Variants in TBKBP1 observed in about 807,000 individuals in gnomAD.
TBKBP1 encodes TBK1 binding protein 1.
In TBKBP1, 47 loss-of-function variants were observed where a neutral mutation model predicts 69.9. That is an observed-to-expected ratio of 0.67 (90% CI 0.53 to 0.86). The LOEUF (loss-of-function observed/expected upper bound fraction) is 0.86. TBKBP1 is among the 40% of genes least tolerant of loss of function. The pLI, the probability that TBKBP1 is intolerant of heterozygous loss-of-function variation, is 0.00. For missense variants in TBKBP1, 831 were observed against 858.6 expected (o/e 0.97, Z 0.40); for synonymous variants, 418 against 390.3 (o/e 1.07, Z -0.84).
Position 47,708,827 on chromosome 17 carries a change from C to G in TBKBP1, c.1094C>G (p.Ser365Cys). ...RAAPPCPPCQ[S>C]PVPQRRSPVP... ...GCTCCCCCGTGCCCCCCGTGCCAGT[C>G]CCCCGTCCCCCAGCGCCGCTCTCCC... Residue 365 changes from serine to cysteine, a missense_variant, in exon 9 of 10, where the codon TCC (serine) becomes TGC (cysteine). Coordinates refer to ENST00000578982, the MANE Select transcript of TBKBP1 (RefSeq NM_001394755.1). This position sits in a 1 kb window ranked among gnomAD's most constrained non-coding sequence, Gnocchi z 4.4. 1 of 1,253,128 alleles carries G rather than the reference C, an allele frequency of 8.0e-7. No individual in the cohort carries two copies. The highest frequency in any genetic ancestry group is 2.8e-5 in the East Asian group (1 of 35,882). 77.6% of individuals were successfully genotyped at this position (1,253,128 alleles called of 1,614,324 possible).
chr17:47,702,794 G>A (rs776700562), intron 7 of TBKBP1, among the ~76,000 whole-genome samples: 1 of 152,082 alleles, frequency 6.6e-6, no homozygotes, highest in African/African-American at 2.4e-5. Flanking sequence ...TGAGGGAGGC[G>A]GTGGGAGCAG....
Position 47,709,215 on chromosome 17 carries a change from C to A in TBKBP1, c.1482C>A (p.Ser494Arg). The part of the protein sequence containing the change: ...ATLPKPRAYG[S>R]ELYGPGRPLS... ...TCCCCAAGCCCCGGGCCTACGGCAG[C>A]GAGCTCTACGGCCCTGGCAGGCCCC... is the stretch of plus-strand genomic sequence containing the variant. The change falls in exon 9 of 10, where the codon AGC (serine) becomes AGA (arginine). Residue 494 changes from serine to arginine, a missense_variant. Ser to Arg is a moderately radical substitution (Grantham distance 110, BLOSUM62 -1). Coordinates refer to ENST00000578982, the MANE Select transcript of TBKBP1 (RefSeq NM_001394755.1). The A allele has an allele frequency of 6.6e-7, 1 of 1,519,698 alleles. No homozygotes were observed. Among genetic ancestry groups the A allele is most frequent in the Non-Finnish European group, 8.7e-7 (1 of 1,143,066 alleles). The allele number at this position is 1,519,698 out of a possible 1,614,324, so 94.1% of individuals were successfully genotyped here. A position where few individuals can be genotyped will look rare whatever the true frequency, so the allele number is the denominator to read the frequency against.
At position 47,711,762 on chromosome 17, in the gene TBKBP1, C is replaced by T. The variant is rs2031931676; in HGVS notation, c.*1136C>T. The T allele has an allele frequency of 6.6e-6, 1 of 152,506 alleles. No individual in the cohort carries two copies. The highest frequency in any genetic ancestry group is 2.1e-4 in the South Asian group (1 of 4,824). 9.4% of individuals were successfully genotyped at this position (152,506 alleles called of 1,614,324 possible). ...CACCCCACAATGAATCCACCCTGCT[C>T]CACTGCGCGCCTCTCCCAGGTCTCA... On this transcript the variant is annotated 3_prime_UTR_variant, in exon 10 of 10. Coordinates refer to ENST00000578982, the MANE Select transcript of TBKBP1 (RefSeq NM_001394755.1).
At chr17:47,703,204 T>TC (rs200954949) in intron 7 of TBKBP1, among the ~76,000 whole-genome samples, 67 of 149,828 alleles carry the variant, frequency 4.5e-4, no homozygotes, top group African/African-American at 1.3e-3. Context: ...CCGCACCACC[T>TC]CCCCCCCCAC....
chr17:47,708,845 G>T lies in TBKBP1; in HGVS notation c.1112G>T (p.Arg371Leu), dbSNP rs758558987. ...PPCQSPVPQR[R>L]SPVPPCPSPQ... Reference sequence around the variant, plus strand: ...TGCCAGTCCCCCGTCCCCCAGCGCCGCTCTCCCGTGCCCCCGTGCCCCTCG... The same window carrying T: ...TGCCAGTCCCCCGTCCCCCAGCGCCTCTCTCCCGTGCCCCCGTGCCCCTCG... Residue 371 changes from arginine (R) to leucine (L), a missense_variant, in exon 9 of 10, where the codon CGC becomes CTC. Arg to Leu is a moderately radical substitution (Grantham distance 102, BLOSUM62 -2). Coordinates refer to ENST00000578982, the MANE Select transcript of TBKBP1 (RefSeq NM_001394755.1). The surrounding 1 kb of genome is among the most constrained non-coding windows in gnomAD (Gnocchi z 4.4). 3 of 1,095,980 alleles carry T rather than the reference G, an allele frequency of 2.7e-6. No individual in the cohort carries two copies. The highest frequency in any genetic ancestry group is 3.7e-6 in the Non-Finnish European group (3 of 814,544). The allele number at this position is 1,095,980 out of a possible 1,614,324, so 67.9% of individuals were successfully genotyped here. A position where few individuals can be genotyped will look rare whatever the true frequency, so the allele number is the denominator to read the frequency against.
intron 9 of TBKBP1, 28 bp downstream of exon 9, chr17:47,709,480 C>A (rs1322372655): frequency 2.0e-6 from 3 of 1,479,524 alleles, no homozygotes; most frequent in Admixed American, 2.4e-5. Context: ...GTTCCGCCCA[C>A]CCCGGACCGG....
chr17:47,695,591 C>G (rs1435149922), intron 1 of TBKBP1: 1 of 152,972 alleles, frequency 6.5e-6, no homozygotes, highest in Non-Finnish European at 1.5e-5. Context: ...GGGGTGCAGC[C>G]GAGGGCGTGC....
At chr17:47,699,273 T>C (rs774511286) in intron 5 of TBKBP1, 47 bp from the exon 6 acceptor site, 13 of 1,461,496 alleles carry the variant, frequency 8.9e-6, no homozygotes, top group Non-Finnish European at 1.1e-5. Flanking sequence ...CTCTGGGAGC[T>C]GGAGGAGGCA....
chr17:47,708,355 A>C lies in TBKBP1; in HGVS notation c.873-39A>C, dbSNP rs575480057. 4.4e-6 allele frequency: 7 copies of C among 1,607,030 alleles called. No homozygotes were observed. The African/African-American group carries it at 9.3e-5, about 21-fold the overall frequency. On this transcript the variant is annotated intron_variant, in intron 7 of 9. Transcript: ENST00000578982. The surrounding 1 kb of genome is among the most constrained non-coding windows in gnomAD (Gnocchi z 4.4). ...CCTCCACAGCTGGGACGGTAGACCC[A>C]CTGCCCTTCTCGTCTTTCCCACTGC...
In TBKBP1 at chr17:47,709,137, C is replaced by T. The variant is rs762463634; in HGVS notation, c.1404C>T (p.Gly468=). 2 of 1,388,402 alleles carry T rather than the reference C, an allele frequency of 1.4e-6. No individual in the cohort carries two copies. Among genetic ancestry groups the T allele is most frequent in the African/African-American group, 1.5e-5 (1 of 65,200 alleles). 86.0% of individuals were successfully genotyped at this position (1,388,402 alleles called of 1,614,324 possible). ...GRRSYSELAE[G]AAYAGASPPW... is the part of the protein sequence containing the mutation. ...GCAGCTACTCTGAGCTGGCGGAGGG[C>T]GCGGCCTACGCGGGCGCCTCCCCGC... Residue 468 remains glycine (G), a synonymous_variant, in exon 9 of 10, where the codon GGC becomes GGT. Coordinates refer to ENST00000578982, the MANE Select transcript of TBKBP1 (RefSeq NM_001394755.1).
In TBKBP1 at chr17:47,708,609, C is replaced by T; in HGVS notation, c.991+97C>T. The T allele has an allele frequency of 1.4e-6, 2 of 1,473,114 alleles. No individual in the cohort carries two copies. The highest frequency in any genetic ancestry group is 1.2e-5 in the South Asian group (1 of 80,410). 91.3% of individuals were successfully genotyped at this position (1,473,114 alleles called of 1,614,324 possible). On this transcript the variant is annotated intron_variant, in intron 8 of 9. Transcript: ENST00000578982. This position sits in a 1 kb window ranked among gnomAD's most constrained non-coding sequence, Gnocchi z 4.4. ...TGGTCATGGGGACCACCCTTTATTT[C>T]CTTTCCTGTGGCCTGGAGTTGGTGG...
chr17:47,710,274 C>G (rs1410274857), intron 9 of TBKBP1, among the ~76,000 whole-genome samples: 2 of 152,200 alleles, frequency 1.3e-5, no homozygotes, highest in Admixed American at 6.5e-5. Flanking sequence ...CCCTGGCAAG[C>G]TTAGCAGTGA....
intron 7 of TBKBP1, among the ~76,000 whole-genome samples, chr17:47,700,982 G>A (rs890711674): frequency 2.0e-5 from 3 of 152,168 alleles, no homozygotes; most frequent in African/African-American, 7.2e-5. Flanking sequence ...CCTAAGATGA[G>A]CTGTGTGGCA....
At chr17:47,698,809 TCCC>T in intron 5 of TBKBP1, 34 bp downstream of exon 5, 1 of 1,498,778 alleles carries the variant, frequency 6.7e-7, no homozygotes, top group Non-Finnish European at 8.9e-7. Flanking sequence ...TACCTCCTAG[TCCC>T]CAACCCCCAT....
intron 7 of TBKBP1, among the ~76,000 whole-genome samples, chr17:47,706,041 C>G (rs1383134502): frequency 6.6e-6 from 1 of 152,024 alleles, no homozygotes; most frequent in Non-Finnish European, 1.5e-5. Context: ...TAGCTCCTGA[C>G]AAGGGGAGGG....
chr17:47,695,966 A>T, intron 1 of TBKBP1, 113 bp from the exon 2 acceptor site: 1 of 624,506 alleles, frequency 1.6e-6, no homozygotes, highest in African/African-American at 1.8e-5. Context: ...TCGGGGCAGG[A>T]AGTTTCTGGG....
At position 47,703,212 on chromosome 17, in the gene TBKBP1, C is replaced by A. The variant is rs368004856; in HGVS notation, c.872+3515C>A. On this transcript the variant is annotated intron_variant, in intron 7 of 9. Transcript: ENST00000578982. ...CCCTTTTCCGCACCACCTCCCCCCC[C>A]ACCCCTCTCTCCACCCACAAGCCTC... 6.6e-4 allele frequency among the ~76,000 whole-genome samples: 100 copies of A among 152,250 alleles called. 2 individuals carry two copies. In the Middle Eastern group the frequency reaches 0.014, roughly 21 times the overall value.
chr17:47,710,424 G>A (rs1407518224), intron 9 of TBKBP1, 74 bp from the exon 10 acceptor site: 2 of 1,556,286 alleles, frequency 1.3e-6, no homozygotes, highest in African/African-American at 1.4e-5. Context: ...TGGGTCCTGG[G>A]ACAGGGCAGG....
At chr17:47,695,002 T>TCTCCGGGGTGCACATAACG (rs1216622456) in intron 1 of TBKBP1, among the ~76,000 whole-genome samples, 14 of 150,958 alleles carry the variant, frequency 9.3e-5, no homozygotes, top group African/African-American at 2.4e-4. Context: ...CCGAGCCCCC[T>TCTCCGGGGTGCACATAACG]CTCCGGGGTG....
Sources: allele counts gnomAD v4.1 joint callset (sites outside exome capture counted in the v4.1 genomes callset), GRCh38; gene constraint gnomAD v4.1.1; non-coding constraint Gnocchi (gnomAD v3.1); transcripts MANE v1.5; gene names NCBI Gene and HGNC (gene_info 2026-07-23, HGNC 2026-07-21).